Variants in ROBO1 observed in about 807,000 individuals in gnomAD.
The protein encoded by ROBO1 is roundabout homolog 1.
In ROBO1, 149 loss-of-function variants were observed where a neutral mutation model predicts 195.9. That is an observed-to-expected ratio of 0.76 (90% CI 0.67 to 0.87). ROBO1 has a LOEUF of 0.87. ROBO1 is among the 40% of genes least tolerant of loss of function. The pLI is 0.00. For missense variants in ROBO1, 1,933 were observed against 2,068.3 expected, an observed-to-expected ratio of 0.93 and a Z score of 1.27; for synonymous variants, 816 against 733.2, an observed-to-expected ratio of 1.11 and a Z score of -1.82.
intron 2 of ROBO1, among the ~76,000 whole-genome samples, chr3:79,549,278 G>T (rs1172103519): frequency 6.6e-6 from 1 of 152,136 alleles, no homozygotes; most frequent in African/African-American, 2.4e-5. Flanking sequence ...AGGAGCTTAT[G>T]ATATATAATG....
chr3:79,511,708 T>A (rs1940714509), intron 2 of ROBO1, among the ~76,000 whole-genome samples: 1 of 152,072 alleles, frequency 6.6e-6, no homozygotes, highest in African/African-American at 2.4e-5. Context: ...AAGAAAATAC[T>A]GTACATAAAC....
chr3:79,287,369 A>G (rs2031950287), intron 2 of ROBO1, among the ~76,000 whole-genome samples: 1 of 152,164 alleles, frequency 6.6e-6, no homozygotes, highest in African/African-American at 2.4e-5. Context: ...ATGGCACAGG[A>G]GATGAAGTTT....
chr3:78,800,948 G>A (rs1435757370), intron 4 of ROBO1, among the ~76,000 whole-genome samples: 1 of 152,094 alleles, frequency 6.6e-6, no homozygotes, highest in African/African-American at 2.4e-5. Flanking sequence ...TTCACCAATA[G>A]GATAAATACG....
intron 8 of ROBO1, among the ~76,000 whole-genome samples, chr3:78,696,078 C>T (rs1240408405): frequency 2.8e-5 from 4 of 142,104 alleles, no homozygotes; most frequent in Non-Finnish European, 6.0e-5. Context: ...TTCTATGAAA[C>T]AGGCAGATTT....
intron 4 of ROBO1, chr3:78,938,045 T>G (rs1011690869): frequency 2.0e-5 from 3 of 152,632 alleles, no homozygotes; most frequent in African/African-American, 7.3e-5. Context: ...TTTTTGGCTA[T>G]TCACCGGCAT....
At chr3:79,684,427 A>T (rs1320803387) in intron 1 of ROBO1, among the ~76,000 whole-genome samples, 1 of 151,904 alleles carries the variant, frequency 6.6e-6, no homozygotes, top group Non-Finnish European at 1.5e-5. Context: ...TATATTCTCT[A>T]GTTAGTGAGA....
chr3:78,807,559 G>A (rs2084584731), intron 4 of ROBO1, among the ~76,000 whole-genome samples: 1 of 152,110 alleles, frequency 6.6e-6, no homozygotes, highest in Admixed American at 6.5e-5. Context: ...GGTTAAATGT[G>A]AATAAAAGTA....
At chr3:78,639,223 G>A (rs939709051) in intron 22 of ROBO1, among the ~76,000 whole-genome samples, 7 of 151,276 alleles carry the variant, frequency 4.6e-5, no homozygotes, top group Admixed American at 3.3e-4. Flanking sequence ...TTGGGAAGCC[G>A]AGGTGAATGG....
intron 2 of ROBO1, among the ~76,000 whole-genome samples, chr3:79,390,592 A>T (rs998824309): frequency 1.3e-5 from 2 of 152,198 alleles, no homozygotes; most frequent in Non-Finnish European, 2.9e-5. Flanking sequence ...ACCAGTGTCC[A>T]GTGATGCTGA....
intron 1 of ROBO1, among the ~76,000 whole-genome samples, chr3:79,753,978 A>T (rs1704254937): frequency 6.6e-6 from 1 of 152,200 alleles, no homozygotes; most frequent in African/African-American, 2.4e-5. Context: ...GAAGAACAGG[A>T]GACAGCCAAA....
chr3:79,766,129 G>T (rs1576337020), intron 1 of ROBO1, among the ~76,000 whole-genome samples: 1 of 152,066 alleles, frequency 6.6e-6, no homozygotes, highest in East Asian at 2.0e-4. Context: ...GTGAGTTCCT[G>T]CGTCTGGAAA....
chr3:79,183,080 CAAA>C (rs1304597488), intron 2 of ROBO1, among the ~76,000 whole-genome samples: 8 of 64,796 alleles, frequency 1.2e-4, no homozygotes, highest in Admixed American at 1.8e-4. Flanking sequence ...GACTCCAACT[CAAA>C]AAAAAAAAAA....
chr3:78,977,453 T>C (rs1266982602), intron 3 of ROBO1, among the ~76,000 whole-genome samples: 1 of 152,088 alleles, frequency 6.6e-6, no homozygotes, highest in Non-Finnish European at 1.5e-5. Context: ...TTCTCTGGAA[T>C]AATTACTTAA....
At chr3:79,279,743 ATTC>A (rs892752404) in intron 2 of ROBO1, among the ~76,000 whole-genome samples, 8 of 152,206 alleles carry the variant, frequency 5.3e-5, no homozygotes, top group African/African-American at 1.4e-4. Flanking sequence ...ATGACCATTC[ATTC>A]TTCTGTGATG....
intron 3 of ROBO1, among the ~76,000 whole-genome samples, chr3:78,953,052 G>GA (rs1374433034): frequency 6.6e-6 from 1 of 151,974 alleles, no homozygotes; most frequent in Non-Finnish European, 1.5e-5. Context: ...CCAGAGATAT[G>GA]AAAAAGATTG....
intron 2 of ROBO1, among the ~76,000 whole-genome samples, chr3:79,165,236 A>T (rs573847921): frequency 6.6e-6 from 1 of 152,344 alleles, no homozygotes; most frequent in East Asian, 1.9e-4. Context: ...TAGAGTCAGC[A>T]TGTTTTGATC....
At chr3:79,332,632 G>A (rs1576987229) in intron 2 of ROBO1, among the ~76,000 whole-genome samples, 1 of 152,136 alleles carries the variant, frequency 6.6e-6, no homozygotes, top group African/African-American at 2.4e-5. Flanking sequence ...AACTAGGGGT[G>A]CAATGGGGAC....
chr3:78,877,958 A>G (rs2035949440), intron 4 of ROBO1, among the ~76,000 whole-genome samples: 1 of 152,188 alleles, frequency 6.6e-6, no homozygotes, highest in Non-Finnish European at 1.5e-5. Flanking sequence ...ACTATAGCAT[A>G]TATTTGTGCA....
At chr3:78,707,489 T>A (rs539869581) in intron 8 of ROBO1, among the ~76,000 whole-genome samples, 1 of 152,360 alleles carries the variant, frequency 6.6e-6, no homozygotes, top group East Asian at 1.9e-4. Context: ...TGTTTTAACA[T>A]TCCTATTGTA....
Sources: gnomAD v4.1 joint callset for allele counts (sites outside exome capture counted in the v4.1 genomes callset) on GRCh38, gnomAD v4.1.1 for gene constraint, MANE v1.5 for transcripts, NCBI Gene and HGNC (gene_info 2026-07-23, HGNC 2026-07-21) for gene names.